Variants in DIDO1 observed in about 807,000 individuals in gnomAD.
DIDO1 encodes death-inducer obliterator 1.
Under a neutral mutation model 99.4 loss-of-function variants are expected in DIDO1, and 16 were observed. That is an observed-to-expected ratio of 0.16 (90% CI 0.11 to 0.24). The LOEUF (loss-of-function observed/expected upper bound fraction) is 0.24, where lower values mean the gene tolerates loss of function less well. Ranked by LOEUF, DIDO1 falls within the 10% of genes least tolerant of loss-of-function variation. The pLI is 1.00. For synonymous variants in DIDO1, 1,366 were observed against 1,239.1 expected, an observed-to-expected ratio of 1.10 and a Z score of -2.15; for missense variants, 2,996 against 3,014.0, an observed-to-expected ratio of 0.99 and a Z score of 0.14.
intron 6 of DIDO1, chr20:62,904,859 T>G (rs2064765857): frequency 5.6e-6 from 2 of 359,724 alleles, no homozygotes; most frequent in Non-Finnish European, 7.7e-6. Flanking sequence ...CTTGCCTGCA[T>G]GAGTGCCTTC....
At chr20:62,903,366 A>T (rs1237068758) in intron 6 of DIDO1, among the ~76,000 whole-genome samples, 3 of 152,216 alleles carry the variant, frequency 2.0e-5, no homozygotes, top group Non-Finnish European at 4.4e-5. Flanking sequence ...CAGCAGCGGT[A>T]GCTCCACCAC....
At chr20:62,900,666 T>C (rs2064649857) in intron 6 of DIDO1, among the ~76,000 whole-genome samples, 1 of 152,142 alleles carries the variant, frequency 6.6e-6, no homozygotes, top group Non-Finnish European at 1.5e-5. Context: ...GAACTGGTTA[T>C]AAAAATCACT....
chr20:62,917,348 T>A (rs2065056868), intron 1 of DIDO1, among the ~76,000 whole-genome samples: 2 of 152,120 alleles, frequency 1.3e-5, no homozygotes, highest in Non-Finnish European at 2.9e-5. Context: ...TCGGGTCCAA[T>A]CTCCAAGAAG....
chr20:62,926,810 G>A (rs900767386), upstream of DIDO1, among the ~76,000 whole-genome samples: 10 of 152,248 alleles, frequency 6.6e-5, no homozygotes, highest in Non-Finnish European at 8.8e-5. Context: ...TAGCCCCGAG[G>A]GACTGCACTC....
chr20:62,888,271 G>A lies in DIDO1; in HGVS notation c.3541+2689C>T, dbSNP rs541950824. 11 of 985,478 alleles carry A rather than the reference G, an allele frequency of 1.1e-5. No individual in the cohort carries two copies. The South Asian group carries it at 4.2e-4, about 38-fold the overall frequency. 61.0% of individuals were successfully genotyped at this position (985,478 alleles called of 1,614,324 possible). A position where few individuals can be genotyped will look rare whatever the true frequency, so the allele number is the denominator to read the frequency against. ...GTGGTATAAACTGAGGCACATGGAC[G>A]AGTCAGTCACTCTTTTCTGCGTGAA... is the stretch of plus-strand genomic sequence containing the variant. On this transcript the variant is annotated intron_variant, in intron 15 of 15. Coordinates refer to ENST00000395343, the MANE Select transcript of DIDO1 (RefSeq NM_001193369.2).
intron 1 of DIDO1, among the ~76,000 whole-genome samples, chr20:62,925,122 C>G (rs1357405866): frequency 6.6e-6 from 1 of 152,116 alleles, no homozygotes; most frequent in African/African-American, 2.4e-5. Flanking sequence ...CTAACAGCAA[C>G]CCAAAGGGCC....
intron 1 of DIDO1, among the ~76,000 whole-genome samples, chr20:62,916,323 T>C (rs2065036883): frequency 6.6e-6 from 1 of 152,186 alleles, no homozygotes; most frequent in African/African-American, 2.4e-5. Flanking sequence ...AGCACATTTT[T>C]TTCCCCAGCT....
chr20:62,900,315 G>A (rs1221401098), intron 6 of DIDO1, among the ~76,000 whole-genome samples: 1 of 152,244 alleles, frequency 6.6e-6, no homozygotes, highest in African/African-American at 2.4e-5. Flanking sequence ...TCAGCCAACT[G>A]CAGAATGAAG....
intron 15 of DIDO1, chr20:62,887,836 G>A (rs552512345): frequency 1.0e-6 from 1 of 985,556 alleles, no homozygotes; most frequent in Admixed American, 6.1e-5. Context: ...GAACATCTAG[G>A]TGGAGAAGGT....
rs766080364 is a variant in DIDO1, at chr20:62,882,060, G to T, written c.3896C>A (p.Ala1299Glu). 1 of 1,613,532 alleles carries T rather than the reference G, an allele frequency of 6.2e-7. No homozygotes were observed. Among genetic ancestry groups the T allele is most frequent in the South Asian group, 1.1e-5 (1 of 91,090 alleles). ...AATTAAAASTAASSTASSASK... is the reference protein window; with the variant it reads ...AATTAAAASTEASSTASSASK... Reference sequence around the variant, plus strand: ...AGCAGACGAAGCGGTGGAGGAAGCTGCCGTGGAGGCTGCCGCTGCTGTTGT... The same window carrying T: ...AGCAGACGAAGCGGTGGAGGAAGCTTCCGTGGAGGCTGCCGCTGCTGTTGT... Residue 1299 changes from alanine (A) to glutamate (E), a missense_variant, in exon 16 of 16, where the codon GCA (alanine) becomes GAA (glutamate). Around this residue, in one of 5 missense-constraint regions of DIDO1, gnomAD observed 1,562 missense variants for 1,412.6 expected, o/e 1.11. Transcript: ENST00000395343.
At chr20:62,892,644 T>G (rs1397850649) in intron 13 of DIDO1, among the ~76,000 whole-genome samples, 165 bp downstream of exon 13, 2 of 152,226 alleles carry the variant, frequency 1.3e-5, no homozygotes, top group Non-Finnish European at 2.9e-5. Context: ...ATCGCCACTT[T>G]GCATTTAGAG....
In DIDO1 at chr20:62,911,329, T is replaced by A. The variant is rs146989656; in HGVS notation, c.284A>T (p.Asp95Val). 5 of 1,608,178 alleles carry A rather than the reference T, an allele frequency of 3.1e-6. No homozygotes were observed. The highest frequency in any genetic ancestry group is 1.7e-6 in the Non-Finnish European group (2 of 1,179,940). Residue 95 changes from aspartate (D) to valine (V), a missense_variant, in exon 3 of 16, where the codon GAT (aspartate) becomes GTT (valine). Physicochemically the swap from Asp to Val is radical, Grantham distance 152. Around this residue, in one of 5 missense-constraint regions of DIDO1, gnomAD observed 388 missense variants for 376.6 expected, o/e 1.03. Transcript: ENST00000395343. This position sits in a 1 kb window ranked among gnomAD's most constrained non-coding sequence, Gnocchi z 7.0. ...GGGGCAGGACGTGGGCTCACCAGAATCCTCCAGGGAGACAGGCATGCTCCT... is the reference window on the plus strand; with the variant it reads ...GGGGCAGGACGTGGGCTCACCAGAAACCTCCAGGGAGACAGGCATGCTCCT... ...GRRSMPVSLE[D>V]SGEPTSCPAT...
intron 1 of DIDO1, among the ~76,000 whole-genome samples, chr20:62,922,999 C>A (rs536497640): frequency 6.6e-6 from 1 of 151,866 alleles, no homozygotes; most frequent in Non-Finnish European, 1.5e-5. Context: ...TAGTGAAATT[C>A]TTTTTGTTGG....
chr20:62,927,881 G>C (rs985505111), upstream of DIDO1, among the ~76,000 whole-genome samples: 19 of 152,162 alleles, frequency 1.2e-4, no homozygotes, highest in Admixed American at 9.2e-4. Context: ...CTTCCATCTT[G>C]AGTGTGATCT....
intron 1 of DIDO1, among the ~76,000 whole-genome samples, chr20:62,925,515 G>GA (rs1173097070): frequency 1.3e-5 from 2 of 152,214 alleles, no homozygotes; most frequent in Admixed American, 1.3e-4. Context: ...TCAGCAGACA[G>GA]ATGACACGGA....
chr20:62,896,148 C>G lies in DIDO1; in HGVS notation c.2214+85G>C, dbSNP rs536205478. ...CGTCTTAGCTTTCCTGGAAAGGACA[C>G]GAACATCTCAAAATATTGGTTGATC... is the stretch of plus-strand genomic sequence containing the variant. On this transcript the variant is annotated intron_variant, in intron 8 of 15. Coordinates refer to ENST00000395343, the MANE Select transcript of DIDO1 (RefSeq NM_001193369.2). This position sits in a 1 kb window ranked among gnomAD's most constrained non-coding sequence, Gnocchi z 4.4. 3.7e-6 allele frequency: 5 copies of G among 1,359,408 alleles called. No homozygotes were observed. The highest frequency in any genetic ancestry group is 1.4e-5 in the South Asian group (1 of 70,286). 84.2% of individuals were successfully genotyped at this position (1,359,408 alleles called of 1,614,324 possible).
chr20:62,911,313 C>T lies in DIDO1; in HGVS notation c.300G>A (p.Thr100=), dbSNP rs141299956. The T allele has an allele frequency of 8.0e-5, 129 of 1,608,688 alleles. No individual in the cohort carries two copies. The highest frequency in any genetic ancestry group is 4.2e-4 in the Admixed American group (25 of 59,994). The change falls in exon 3 of 16, where the codon ACG becomes ACA. Residue 100 remains threonine (T), a synonymous_variant. Coordinates refer to ENST00000395343, the MANE Select transcript of DIDO1 (RefSeq NM_001193369.2). This position sits in a 1 kb window ranked among gnomAD's most constrained non-coding sequence, Gnocchi z 7.0. ...PVSLEDSGEP[T]SCPATDAETA... is the part of the protein sequence containing the mutation. Reference sequence around the variant, plus strand: ...TCTCGGCGTCTGTGGCGGGGCAGGACGTGGGCTCACCAGAATCCTCCAGGG... The same window carrying T: ...TCTCGGCGTCTGTGGCGGGGCAGGATGTGGGCTCACCAGAATCCTCCAGGG...
upstream of DIDO1, among the ~76,000 whole-genome samples, chr20:62,931,143 G>C (rs1192776219): frequency 1.3e-5 from 2 of 152,116 alleles, no homozygotes; most frequent in African/African-American, 2.4e-5. Flanking sequence ...GTTTCACTAT[G>C]TTGCCCAGGC....
Position 62,896,443 on chromosome 20 carries a change from C to T in DIDO1, c.2055-51G>A. ...ACATAAGACACTTGTGTATATTAAA[C>T]TTTTTGAACAGTGAGGCAATCCTGC... On this transcript the variant is annotated intron_variant, in intron 7 of 15. Coordinates refer to ENST00000395343, the MANE Select transcript of DIDO1 (RefSeq NM_001193369.2). The surrounding 1 kb of genome is among the most constrained non-coding windows in gnomAD (Gnocchi z 4.4). 1.9e-6 allele frequency: 3 copies of T among 1,591,420 alleles called. No individual in the cohort carries two copies. Among genetic ancestry groups the T allele is most frequent in the South Asian group, 1.2e-5 (1 of 86,918 alleles).
Sources: allele counts gnomAD v4.1 joint callset (sites outside exome capture counted in the v4.1 genomes callset), GRCh38; gene constraint gnomAD v4.1.1; regional missense constraint gnomAD v4.1.1; non-coding constraint Gnocchi (gnomAD v3.1); transcripts MANE v1.5; gene names NCBI Gene and HGNC (gene_info 2026-07-23, HGNC 2026-07-21).